The following RAP1GDS1 variants were observed in gnomAD, a reference collection of about 807,000 sequenced individuals.
RAP1GDS1 encodes the protein Rap1 GTPase-GDP dissociation stimulator 1, also known as RAP1, GTP-GDP dissociation stimulator 1.
A neutral mutation model predicts 71.1 loss-of-function variants in RAP1GDS1; 35 were observed. That is an observed-to-expected ratio of 0.49 (90% CI 0.38 to 0.65). The LOEUF (loss-of-function observed/expected upper bound fraction) is 0.65. Among genes scored for constraint, RAP1GDS1 ranks in the 30% least tolerant of loss-of-function variants. The pLI is 0.00. For synonymous variants in RAP1GDS1, 229 were observed against 243.1 expected (o/e 0.94, Z 0.54); for missense variants, 663 against 706.1 (o/e 0.94, Z 0.69).
intron 4 of RAP1GDS1, among the ~76,000 whole-genome samples, chr4:98,369,039 G>A (rs981401155): frequency 5.9e-5 from 9 of 152,216 alleles, no homozygotes; most frequent in Admixed American, 3.9e-4. Context: ...GAAAGGTGAA[G>A]GAGGAGTAAA....
intron 5 of RAP1GDS1, chr4:98,379,414 G>A: frequency 3.1e-6 from 1 of 320,382 alleles, no homozygotes; most frequent in Non-Finnish European, 5.6e-6. Context: ...CAGCCCTATA[G>A]TATGATTTAA....
At chr4:98,362,448 G>C (rs1396061950) in intron 4 of RAP1GDS1, among the ~76,000 whole-genome samples, 1 of 152,134 alleles carries the variant, frequency 6.6e-6, no homozygotes, top group African/African-American at 2.4e-5. Flanking sequence ...ACTCCAGCCT[G>C]GGTGACAGAG....
At chr4:98,363,312 ACT>A (rs1739016170) in intron 4 of RAP1GDS1, among the ~76,000 whole-genome samples, 1 of 151,652 alleles carries the variant, frequency 6.6e-6, no homozygotes, top group Admixed American at 6.6e-5. Context: ...ACACAGCAAG[ACT>A]CTGTCTCTAC....
At chr4:98,441,745 C>A in intron 14 of RAP1GDS1, 1 of 580,272 alleles carries the variant, frequency 1.7e-6, no homozygotes, top group Non-Finnish European at 2.2e-6. Flanking sequence ...CAAACCTGGG[C>A]AGCAGAGCAA....
At chr4:98,327,652 G>A (rs1733345476) in intron 2 of RAP1GDS1, among the ~76,000 whole-genome samples, 1 of 152,170 alleles carries the variant, frequency 6.6e-6, no homozygotes, top group South Asian at 2.1e-4. Context: ...TTTCTCTGAA[G>A]GCATTGATGA....
rs1036810143 is a variant in RAP1GDS1, at chr4:98,442,888, T to C, written c.*771T>C. ...TGCTTGTATTTTAGATTCTGATACA[T>C]ACGCTGTTTCACTCAGGAACTACTT... On this transcript the variant is annotated 3_prime_UTR_variant, in exon 15 of 15. Coordinates refer to ENST00000408927, the MANE Select transcript of RAP1GDS1 (RefSeq NM_001100427.2). The C allele has an allele frequency of 2.2e-5, 5 of 231,808 alleles. No individual in the cohort carries two copies. The highest frequency in any genetic ancestry group is 1.1e-4 in the African/African-American group (5 of 45,284). The allele number at this position is 231,808 out of a possible 1,614,324, so 14.4% of individuals were successfully genotyped here. A position where few individuals can be genotyped will look rare whatever the true frequency, so the allele number is the denominator to read the frequency against.
At chr4:98,276,318 G>A (rs1724192739) in intron 1 of RAP1GDS1, among the ~76,000 whole-genome samples, 1 of 151,908 alleles carries the variant, frequency 6.6e-6, no homozygotes, top group Admixed American at 6.6e-5. Context: ...AATTTTTAGG[G>A]GACACAAACA....
intron 11 of RAP1GDS1, among the ~76,000 whole-genome samples, chr4:98,420,691 A>G (rs929404568): frequency 1.3e-5 from 2 of 152,120 alleles, no homozygotes; most frequent in Non-Finnish European, 2.9e-5. Flanking sequence ...AAATTATACC[A>G]TATCTCTCCT....
At chr4:98,291,889 C>T (rs1726993454) in intron 1 of RAP1GDS1, among the ~76,000 whole-genome samples, 1 of 152,108 alleles carries the variant, frequency 6.6e-6, no homozygotes. Flanking sequence ...TTCGGCTTAG[C>T]AGGGCAACTA....
At chr4:98,405,283 A>G (rs1745958970) in intron 7 of RAP1GDS1, among the ~76,000 whole-genome samples, 1 of 152,184 alleles carries the variant, frequency 6.6e-6, no homozygotes, top group Non-Finnish European at 1.5e-5. Context: ...TAAGAATGAA[A>G]TAAATGGAAA....
At chr4:98,304,793 C>T (rs532166349) in intron 2 of RAP1GDS1, among the ~76,000 whole-genome samples, 12 of 152,106 alleles carry the variant, frequency 7.9e-5, no homozygotes, top group South Asian at 4.1e-4. Flanking sequence ...AATGATGTTG[C>T]GTAGATTTTC....
intron 2 of RAP1GDS1, among the ~76,000 whole-genome samples, chr4:98,305,774 AG>A (rs1399398348): frequency 6.6e-6 from 1 of 152,204 alleles, no homozygotes; most frequent in Admixed American, 6.5e-5. Flanking sequence ...TGGTGATTGA[AG>A]CCTTGGCAGA....
At chr4:98,292,393 CA>C (rs1272981954) in intron 1 of RAP1GDS1, among the ~76,000 whole-genome samples, 1 of 151,868 alleles carries the variant, frequency 6.6e-6, no homozygotes, top group Non-Finnish European at 1.5e-5. Flanking sequence ...CTTGGCCTCC[CA>C]AAGTGATGGG....
chr4:98,306,607 T>A (rs529847998), intron 2 of RAP1GDS1, among the ~76,000 whole-genome samples: 5 of 152,318 alleles, frequency 3.3e-5, no homozygotes, highest in African/African-American at 9.6e-5. Context: ...TACAATGAAT[T>A]GGAAATGAAT....
At chr4:98,416,922 G>C in intron 8 of RAP1GDS1, 34 bp downstream of exon 8, 1 of 1,596,424 alleles carries the variant, frequency 6.3e-7, no homozygotes, top group South Asian at 1.1e-5. Flanking sequence ...AAAGAATGTG[G>C]TTGTCAGATG....
intron 2 of RAP1GDS1, chr4:98,296,875 T>C: frequency 2.6e-6 from 1 of 381,234 alleles, no homozygotes; most frequent in Non-Finnish European, 5.1e-6. Flanking sequence ...AAATTAACAT[T>C]CTATTTGTAA....
chr4:98,296,030 A>AACG, intron 2 of RAP1GDS1, among the ~76,000 whole-genome samples: 1 of 21,150 alleles, frequency 4.7e-5, no homozygotes, highest in Non-Finnish European at 7.0e-5. Context: ...TTGCTTTTTA[A>AACG]ACAACAACAA....
intron 3 of RAP1GDS1, among the ~76,000 whole-genome samples, chr4:98,349,575 G>A (rs1218233266): frequency 2.0e-5 from 3 of 152,120 alleles, no homozygotes; most frequent in African/African-American, 7.2e-5. Flanking sequence ...CCATTTTCAC[G>A]ATACTGATTC....
At chr4:98,383,548 ATATT>A (rs1229780197) in intron 5 of RAP1GDS1, among the ~76,000 whole-genome samples, 2 of 151,390 alleles carry the variant, frequency 1.3e-5, no homozygotes, top group Non-Finnish European at 3.0e-5. Context: ...GATAATTCTT[ATATT>A]TATTTGTCGC....
Sources: allele counts gnomAD v4.1 joint callset (sites outside exome capture counted in the v4.1 genomes callset), GRCh38; gene constraint gnomAD v4.1.1; transcripts MANE v1.5; gene names NCBI Gene and HGNC (gene_info 2026-07-23, HGNC 2026-07-21).